DSCAM: variants seen among roughly 807,000 people sequenced by gnomAD.
DSCAM encodes the protein DS cell adhesion molecule, also known as cell adhesion molecule DSCAM.
DSCAM carries 47 observed loss-of-function variants against 217.7 expected under a neutral mutation model. That is an observed-to-expected ratio of 0.22 (90% CI 0.17 to 0.28). DSCAM has a LOEUF of 0.28. Among genes scored for constraint, DSCAM ranks in the 10% least tolerant of loss-of-function variants. The pLI is 1.00. For synonymous variants in DSCAM, 1,056 were observed against 1,015.3 expected, an observed-to-expected ratio of 1.04 and a Z score of -0.76; for missense variants, 2,080 against 2,618.3, an observed-to-expected ratio of 0.79 and a Z score of 4.49.
intron 1 of DSCAM, among the ~76,000 whole-genome samples, chr21:40,833,236 A>G (rs2092026625): frequency 6.6e-6 from 1 of 152,140 alleles, no homozygotes; most frequent in Admixed American, 6.6e-5. Context: ...TCTTCAAATC[A>G]TTAGTGCTTT....
chr21:40,380,621 C>T (rs932656010), intron 3 of DSCAM, among the ~76,000 whole-genome samples: 2 of 152,022 alleles, frequency 1.3e-5, no homozygotes, highest in African/African-American at 2.4e-5. Context: ...TTTCTGAGGA[C>T]GTGCACTTCA....
intron 3 of DSCAM, among the ~76,000 whole-genome samples, chr21:40,568,874 C>T (rs1244682183): frequency 2.6e-5 from 4 of 152,110 alleles, no homozygotes; most frequent in African/African-American, 9.7e-5. Flanking sequence ...TTTCTGTTAC[C>T]ACGAGGGCTG....
intron 3 of DSCAM, among the ~76,000 whole-genome samples, chr21:40,530,883 A>G (rs867966134): frequency 1.2e-5 from 1 of 83,112 alleles, no homozygotes; most frequent in Non-Finnish European, 2.0e-5. Flanking sequence ...CTGCCTGTCC[A>G]TCCATCCATC....
chr21:40,608,433 A>G (rs911234594), intron 3 of DSCAM, among the ~76,000 whole-genome samples: 1 of 152,232 alleles, frequency 6.6e-6, no homozygotes, highest in Non-Finnish European at 1.5e-5. Context: ...GTAACATTGT[A>G]TATTTTCTCA....
At chr21:40,665,284 A>G (rs888757752) in intron 3 of DSCAM, among the ~76,000 whole-genome samples, 7 of 152,160 alleles carry the variant, frequency 4.6e-5, no homozygotes, top group African/African-American at 1.7e-4. Context: ...AACTTGAATG[A>G]CAAGAAGAGA....
rs60730859 is a variant in DSCAM at position 40,818,547 on chromosome 21, C to CAAAAAAAAA, written c.43+28063_43+28071dup. On this transcript the variant is annotated intron_variant, in intron 1 of 32. Coordinates refer to ENST00000400454, the MANE Select transcript of DSCAM (RefSeq NM_001389.5). ...GGCTACACAGCCAGACTCCGTCTCA[C>CAAAAAAAAA]AAAAAAAAAAAAAAAAAAAAAAAAA... Among the ~76,000 whole-genome samples the CAAAAAAAAA allele has an allele frequency of 6.2e-4, 26 of 41,852 alleles. 2 individuals are homozygous for CAAAAAAAAA. The highest frequency in any genetic ancestry group is 1.2e-3 in the Non-Finnish European group (21 of 17,920). The allele number at this position is 41,852 out of a possible 152,430, so 27.5% of individuals were successfully genotyped here.
intron 23 of DSCAM, among the ~76,000 whole-genome samples, chr21:40,084,545 C>G (rs1028451443): frequency 4.9e-5 from 6 of 123,470 alleles, no homozygotes; most frequent in East Asian, 2.2e-4. Flanking sequence ...CACACACACA[C>G]ACACACACAC....
intron 11 of DSCAM, among the ~76,000 whole-genome samples, chr21:40,229,905 T>C (rs376756): frequency 0.55 from 83,916 of 152,064 alleles, 24,842 homozygotes; most frequent in African/African-American, 0.78. Context: ...CTGTATTTAG[T>C]TTTGTAAGAA....
chr21:40,411,170 TTA>T (rs760543533), intron 3 of DSCAM, among the ~76,000 whole-genome samples: 12,651 of 56,342 alleles, frequency 0.22, 1,281 homozygotes, highest in African/African-American at 0.39. Context: ...TAGACAGTAA[TTA>T]TATACACACA....
intron 1 of DSCAM, among the ~76,000 whole-genome samples, chr21:40,787,733 A>T (rs1238690063): frequency 6.6e-6 from 1 of 152,198 alleles, no homozygotes; most frequent in Non-Finnish European, 1.5e-5. Context: ...GGCAACCATT[A>T]TAAGTACATT....
Position 40,617,012 on chromosome 21 carries a change from G to C in DSCAM, c.508+75798C>G, listed in dbSNP as rs1244364387. On this transcript the variant is annotated intron_variant, in intron 3 of 32. Coordinates refer to ENST00000400454, the MANE Select transcript of DSCAM (RefSeq NM_001389.5). ...AGCCTGGGCGACAGAGCAAGACTCC[G>C]TCTCAAAAAAAAAAAAAAAAAGAAT... 5.7e-4 allele frequency among the ~76,000 whole-genome samples: 47 copies of C among 82,158 alleles called. 2 individuals carry two copies. The highest frequency in any genetic ancestry group is 2.0e-3 in the African/African-American group (43 of 20,976). 53.9% of individuals were successfully genotyped at this position (82,158 alleles called of 152,430 possible). A position where few individuals can be genotyped will look rare whatever the true frequency, so the allele number is the denominator to read the frequency against.
intron 11 of DSCAM, among the ~76,000 whole-genome samples, chr21:40,221,765 C>T (rs930564281): frequency 6.6e-6 from 1 of 152,172 alleles, no homozygotes; most frequent in African/African-American, 2.4e-5. Flanking sequence ...CGTCAACACT[C>T]GCAACAAAAA....
chr21:40,387,521 A>G (rs957077207), intron 3 of DSCAM, among the ~76,000 whole-genome samples: 2 of 152,196 alleles, frequency 1.3e-5, no homozygotes, highest in Admixed American at 6.5e-5. Context: ...AGAAAATAAC[A>G]TATAGTGACT....
intron 11 of DSCAM, among the ~76,000 whole-genome samples, chr21:40,260,811 C>T (rs1349027267): frequency 2.0e-5 from 3 of 152,146 alleles, no homozygotes; most frequent in Non-Finnish European, 2.9e-5. Context: ...TATGTATTGT[C>T]TTCTGCATCC....
chr21:40,241,499 G>A lies in DSCAM; in HGVS notation c.2356+34598C>T, dbSNP rs890098751. On this transcript the variant is annotated intron_variant, in intron 11 of 32. Coordinates refer to ENST00000400454, the MANE Select transcript of DSCAM (RefSeq NM_001389.5). ...AAGTCTAAAAAAAATAACAGGTGCCGGTAAGGTTGCAGAGAAAACTGAACA... is the reference window on the plus strand; with the variant it reads ...AAGTCTAAAAAAAATAACAGGTGCCAGTAAGGTTGCAGAGAAAACTGAACA... Among the ~76,000 whole-genome samples the A allele has an allele frequency of 8.5e-5, 13 of 152,124 alleles. 1 individual carries two copies. Among genetic ancestry groups the A allele is most frequent in the African/African-American group, 2.2e-4 (9 of 41,440 alleles).
chr21:40,722,390 AAGG>A (rs2090911075), intron 1 of DSCAM, among the ~76,000 whole-genome samples: 1 of 152,138 alleles, frequency 6.6e-6, no homozygotes, highest in Admixed American at 6.5e-5. Flanking sequence ...AGGCAGGAGG[AAGG>A]AGGAAATAAA....
intron 3 of DSCAM, among the ~76,000 whole-genome samples, chr21:40,570,812 G>T (rs987215760): frequency 4.0e-5 from 6 of 151,794 alleles, no homozygotes; most frequent in African/African-American, 1.5e-4. Context: ...CAGGCCAATA[G>T]ACAATATCTA....
At chr21:40,609,462 G>A (rs74326127) in intron 3 of DSCAM, among the ~76,000 whole-genome samples, 70 of 152,236 alleles carry the variant, frequency 4.6e-4, no homozygotes, top group African/African-American at 1.7e-3. Flanking sequence ...CTGGCTTTCT[G>A]TCTCCTTTGC....
At chr21:40,807,399 C>A (rs978696908) in intron 1 of DSCAM, among the ~76,000 whole-genome samples, 2 of 152,114 alleles carry the variant, frequency 1.3e-5, no homozygotes, top group Non-Finnish European at 2.9e-5. Flanking sequence ...TTTTGATTAC[C>A]CCTTAACTGC....
Sources: gnomAD v4.1 joint callset for allele counts (sites outside exome capture counted in the v4.1 genomes callset) on GRCh38, gnomAD v4.1.1 for gene constraint, MANE v1.5 for transcripts, NCBI Gene and HGNC (gene_info 2026-07-23, HGNC 2026-07-21) for gene names.